The following DNAH5 variants were observed in gnomAD, a reference collection of about 807,000 sequenced individuals.
DNAH5 encodes the protein dynein axonemal heavy chain 5.
In DNAH5, 372 loss-of-function variants were observed where a neutral mutation model predicts 518.2. The observed-to-expected ratio is 0.72, with a 90% CI of 0.66 to 0.78. The LOEUF is 0.78. Among genes scored for constraint, DNAH5 ranks in the 30% least tolerant of loss-of-function variants. The pLI is 0.00. For missense variants in DNAH5, 5,523 were observed against 5,687.0 expected (o/e 0.97, Z 0.93); for synonymous variants, 2,039 against 2,025.9 (o/e 1.01, Z -0.17).
chr5:13,823,453 A>G, intron 39 of DNAH5, 83 bp from the exon 40 acceptor site: 1 of 878,418 alleles, frequency 1.1e-6, no homozygotes, highest in Non-Finnish European at 1.9e-6. Flanking sequence ...TGCCCAACAC[A>G]GTCCGGGTTA....
chr5:13,936,311 G>A (rs753788196), intron 1 of DNAH5, among the ~76,000 whole-genome samples: 3 of 152,184 alleles, frequency 2.0e-5, no homozygotes, highest in South Asian at 2.1e-4. Flanking sequence ...GACTTCAAAC[G>A]TTTACACAAT....
At chr5:13,826,653 T>C (rs1045576188) in intron 38 of DNAH5, among the ~76,000 whole-genome samples, 1 of 152,332 alleles carries the variant, frequency 6.6e-6, no homozygotes, top group East Asian at 1.9e-4. Context: ...CATGCTGAAG[T>C]GTGATTCAAT....
At position 13,944,456 on chromosome 5, in the gene DNAH5, A is replaced by G; in HGVS notation, c.-18T>C. 1 of 1,611,044 alleles carries G rather than the reference A, an allele frequency of 6.2e-7. No individual in the cohort carries two copies. The highest frequency in any genetic ancestry group is 8.5e-7 in the Non-Finnish European group (1 of 1,178,858). On this transcript the variant is annotated 5_prime_UTR_variant, in exon 1 of 79. Coordinates refer to ENST00000265104, the MANE Select transcript of DNAH5 (RefSeq NM_001369.3). ...CTAAACATTGTAGCCGTGCATGGAC[A>G]GGCTGGAGTCAGCTCTTCCGGAATG...
intron 1 of DNAH5, among the ~76,000 whole-genome samples, chr5:14,011,438 G>A (rs1412948394): frequency 6.6e-6 from 1 of 152,178 alleles, no homozygotes; most frequent in East Asian, 1.9e-4. Context: ...AAAAACGTGC[G>A]AAATTCCAGA....
intron 1 of DNAH5, among the ~76,000 whole-genome samples, chr5:14,011,601 G>A (rs1454977730): frequency 2.0e-5 from 3 of 152,104 alleles, no homozygotes; most frequent in African/African-American, 7.2e-5. Flanking sequence ...GCGCCGCGGC[G>A]GCCCTGGCTG....
At chr5:13,832,748 G>A (rs574021457) in intron 35 of DNAH5, among the ~76,000 whole-genome samples, 21 of 152,252 alleles carry the variant, frequency 1.4e-4, no homozygotes, top group South Asian at 4.1e-4. Context: ...AATGGCTTGC[G>A]CTGATCCAGT....
intron 1 of DNAH5, among the ~76,000 whole-genome samples, chr5:14,002,034 G>A (rs1279015758): frequency 6.6e-6 from 1 of 151,958 alleles, no homozygotes; most frequent in Non-Finnish European, 1.5e-5. Flanking sequence ...GAGTAGCTGG[G>A]ACTACAGGCG....
At chr5:13,964,672 C>T (rs981066679) in intron 1 of DNAH5, among the ~76,000 whole-genome samples, 1 of 152,196 alleles carries the variant, frequency 6.6e-6, no homozygotes, top group African/African-American at 2.4e-5. Flanking sequence ...TGAACCATGG[C>T]AGTGGCCATA....
At chr5:13,938,913 A>G (rs947602269) in intron 1 of DNAH5, among the ~76,000 whole-genome samples, 1 of 152,216 alleles carries the variant, frequency 6.6e-6, no homozygotes, top group African/African-American at 2.4e-5. Flanking sequence ...TCACGAGCAG[A>G]AAAAGAAAAT....
At chr5:13,721,276 G>T (rs1335995417) in intron 70 of DNAH5, 31 bp from the exon 71 acceptor site, 3 of 1,613,792 alleles carry the variant, frequency 1.9e-6, no homozygotes, top group Non-Finnish European at 2.5e-6. Flanking sequence ...GTCAGTAAAA[G>T]TCATTCCAAC....
intron 15 of DNAH5, chr5:13,898,734 A>G (rs1301805623): frequency 7.6e-6 from 3 of 397,236 alleles, no homozygotes; most frequent in African/African-American, 4.1e-5. Context: ...TGTAAAGTAC[A>G]GTGCAAGTGC....
Position 13,691,981 on chromosome 5 carries a change from AT to A in DNAH5, c.*2del, listed in dbSNP as rs1561057611. 6.2e-7 allele frequency: 1 copy of A among 1,614,120 alleles called. No homozygotes were observed. Among genetic ancestry groups the A allele is most frequent in the South Asian group, 1.1e-5 (1 of 91,074 alleles). On this transcript the variant is annotated 3_prime_UTR_variant, in exon 79 of 79. Coordinates refer to ENST00000265104, the MANE Select transcript of DNAH5 (RefSeq NM_001369.3). ...AGCATTGGGTGGGGACACTCCCCAC[AT>A]GTTACTTGACATCACACAGAAGGGC...
In DNAH5 at chr5:13,865,801, G is replaced by C; in HGVS notation, c.4222C>G (p.Gln1408Glu). The C allele has an allele frequency of 6.2e-7, 1 of 1,613,470 alleles. No individual in the cohort carries two copies. Among genetic ancestry groups the C allele is most frequent in the East Asian group, 2.2e-5 (1 of 44,850 alleles). ...QYPQLLEIKK[Q>E]LNLLQKIYTL... The stretch of plus-strand genomic sequence containing the variant: ...TATATTTTCTGTAGAAGATTTAGTT[G>C]CTTCTTTATTTCAAGAAGCTGAGGA... Residue 1408 changes from glutamine (Q) to glutamate (E), a missense_variant, in exon 27 of 79, where the codon CAA (glutamine) becomes GAA (glutamate). Around this residue, in one of 3 missense-constraint regions of DNAH5, gnomAD observed 5,121 missense variants for 5,223.3 expected, o/e 0.98. Transcript: ENST00000265104.
At position 13,714,578 on chromosome 5, in the gene DNAH5, G is replaced by A; in HGVS notation, c.12952C>T (p.Pro4318Ser). ...YDSPEVFGLHPNADITYQSKL... is the reference protein window; with the variant it reads ...YDSPEVFGLHSNADITYQSKL... Reference sequence around the variant, plus strand: ...CTCTGGTAGGTGATGTCAGCATTGGGGTGCAGCCCAAACACCTCAGGGCTG... The same window carrying A: ...CTCTGGTAGGTGATGTCAGCATTGGAGTGCAGCCCAAACACCTCAGGGCTG... The change falls in exon 75 of 79, where the codon CCC becomes TCC. Residue 4318 changes from proline (P) to serine (S), a missense_variant. Transcript: ENST00000265104. 1 of 1,614,054 alleles carries A rather than the reference G, an allele frequency of 6.2e-7. No homozygotes were observed. Among genetic ancestry groups the A allele is most frequent in the Non-Finnish European group, 8.5e-7 (1 of 1,179,998 alleles).
At chr5:13,705,959 G>T (rs759796896) in intron 76 of DNAH5, among the ~76,000 whole-genome samples, 6 of 152,190 alleles carry the variant, frequency 3.9e-5, no homozygotes, top group Admixed American at 6.5e-5. Context: ...AGCACGGCTG[G>T]CCAACAGTTC....
intron 30 of DNAH5, among the ~76,000 whole-genome samples, chr5:13,851,288 T>C (rs918647647): frequency 6.6e-6 from 1 of 152,136 alleles, no homozygotes; most frequent in African/African-American, 2.4e-5. Context: ...ACAGATTATC[T>C]TGAGAGGGCA....
intron 1 of DNAH5, among the ~76,000 whole-genome samples, chr5:13,989,307 A>G (rs1199678408): frequency 6.6e-6 from 1 of 152,192 alleles, no homozygotes; most frequent in East Asian, 1.9e-4. Flanking sequence ...TATACAATGA[A>G]ATTCTATGCA....
chr5:13,777,355 T>C lies in DNAH5; in HGVS notation c.8952A>G (p.Arg2984=). ...CCATCAGATTTGATGTGTTGTAGGA[T>C]CTAAAGAAATATTTTCATTTTGTCA... The part of the protein sequence containing the change: ...GYVSFQITLT[R]SYNTSNLMED... The change falls in exon 54 of 79, where the codon AGA becomes AGG. Residue 2984 remains arginine (R), a splice_region_variant and synonymous_variant. Coordinates refer to ENST00000265104, the MANE Select transcript of DNAH5 (RefSeq NM_001369.3). 1 of 1,612,620 alleles carries C rather than the reference T, an allele frequency of 6.2e-7. No homozygotes were observed. Among genetic ancestry groups the C allele is most frequent in the Non-Finnish European group, 8.5e-7 (1 of 1,179,102 alleles).
chr5:13,891,727 T>C (rs1397549075), intron 16 of DNAH5, among the ~76,000 whole-genome samples: 1 of 145,944 alleles, frequency 6.9e-6, no homozygotes, highest in African/African-American at 2.4e-5. Context: ...ACAAGAAGTA[T>C]TCAACAAATT....
Sources: gnomAD v4.1 joint callset for allele counts (sites outside exome capture counted in the v4.1 genomes callset) on GRCh38, gnomAD v4.1.1 for gene constraint, gnomAD v4.1.1 regional missense constraint, MANE v1.5 for transcripts, NCBI Gene and HGNC (gene_info 2026-07-23, HGNC 2026-07-21) for gene names.